The following COLEC12 variants were observed in gnomAD, a reference collection of about 807,000 sequenced individuals.
The protein encoded by COLEC12 is collectin subfamily member 12.
In COLEC12, 33 loss-of-function variants were observed where a neutral mutation model predicts 71.1. The observed-to-expected ratio is 0.46, with a 90% CI of 0.35 to 0.62. The LOEUF (loss-of-function observed/expected upper bound fraction) is 0.62. COLEC12 is among the 20% of genes least tolerant of loss of function. COLEC12 has a pLI of 0.00. For missense variants in COLEC12, 765 were observed against 916.1 expected (o/e 0.84, Z 2.13); for synonymous variants, 350 against 353.0 (o/e 0.99, Z 0.10).
chr18:341,211 T>C (rs939888651), intron 5 of COLEC12, among the ~76,000 whole-genome samples: 8 of 152,228 alleles, frequency 5.3e-5, no homozygotes, highest in Non-Finnish European at 1.2e-4. Context: ...CATCTATTCA[T>C]GGTGGAAGCA....
chr18:365,815 T>C (rs8082746), intron 2 of COLEC12, among the ~76,000 whole-genome samples: 28,060 of 152,196 alleles, frequency 0.18, 3,084 homozygotes, highest in South Asian at 0.26. Flanking sequence ...CTGACCATGT[T>C]GGCACTCAGA....
intron 5 of COLEC12, among the ~76,000 whole-genome samples, chr18:342,463 G>A (rs1382475042): frequency 6.6e-6 from 1 of 152,216 alleles, no homozygotes; most frequent in Non-Finnish European, 1.5e-5. Flanking sequence ...TTCATCAAGT[G>A]CGAGTCAACA....
intron 8 of COLEC12, among the ~76,000 whole-genome samples, chr18:326,170 A>G (rs1913837336): frequency 6.6e-6 from 1 of 152,070 alleles, no homozygotes; most frequent in African/African-American, 2.4e-5. Context: ...ACAGATCTTG[A>G]TATGTTTTCA....
Position 417,684 on chromosome 18 carries a change from G to A in COLEC12, c.59-60162C>T, listed in dbSNP as rs114940911. ...ATAGTGGAGCCAGCGTTAGAAACAC[G>A]ATACACAGAACAGAAATTTCATTTC... is the stretch of plus-strand genomic sequence containing the variant. On this transcript the variant is annotated intron_variant, in intron 2 of 9. Coordinates refer to ENST00000400256, the MANE Select transcript of COLEC12 (RefSeq NM_130386.3). Among the ~76,000 whole-genome samples the A allele has an allele frequency of 7.6e-3, 1,158 of 152,286 alleles. 8 individuals are homozygous for A. Among genetic ancestry groups the A allele is most frequent in the African/African-American group, 0.024 (1,011 of 41,554 alleles).
rs560592971 is a variant in COLEC12, at chr18:433,333, G to A, written c.58+47374C>T. Among the ~76,000 whole-genome samples, 28 of 152,232 alleles carry A rather than the reference G, an allele frequency of 1.8e-4. No homozygotes were observed. The South Asian group carries it at 1.9e-3, about 10-fold the overall frequency. On this transcript the variant is annotated intron_variant, in intron 2 of 9. Transcript: ENST00000400256. ...TAGGGGAAAGTACCTCCATCCTTGC[G>A]CTTGGAAAGTTGTTACTTTAGAAAG...
rs1555611780 is a variant in COLEC12, at chr18:319,329, A to ATATATATATATAT, written c.*715_*716insATATATATATATA. 1.0e-4 allele frequency: 3 copies of ATATATATATATAT among 29,466 alleles called. No individual in the cohort carries two copies. Among genetic ancestry groups the ATATATATATATAT allele is most frequent in the Non-Finnish European group, 7.8e-5 (1 of 12,740 alleles). The allele number at this position is 29,466 out of a possible 1,614,324, so 1.8% of individuals were successfully genotyped here. A position where few individuals can be genotyped will look rare whatever the true frequency, so the allele number is the denominator to read the frequency against. On this transcript the variant is annotated 3_prime_UTR_variant, in exon 10 of 10. Coordinates refer to ENST00000400256, the MANE Select transcript of COLEC12 (RefSeq NM_130386.3). ...CTGAGGAAATGAAACATTAAAAAAA[A>ATATATATATATAT]AAAAAAAAAAAAATATATATATATA...
At chr18:397,797 G>A (rs1334136594) in intron 2 of COLEC12, among the ~76,000 whole-genome samples, 3 of 152,172 alleles carry the variant, frequency 2.0e-5, no homozygotes, top group Non-Finnish European at 4.4e-5. Context: ...CTCTGCCCTT[G>A]AATTTGAGAA....
chr18:500,670 C>T lies in COLEC12; in HGVS notation c.-156G>A. On this transcript the variant is annotated 5_prime_UTR_variant, in exon 1 of 10. Coordinates refer to ENST00000400256, the MANE Select transcript of COLEC12 (RefSeq NM_130386.3). The surrounding 1 kb of genome is among the most constrained non-coding windows in gnomAD (Gnocchi z 5.3). ...GTCCTCCCTCGCCGCCGCCGGCCCG[C>T]GCTCCCCGCGCTCCCGGCTCCGCGC... 5.8e-6 allele frequency: 2 copies of T among 346,124 alleles called. No homozygotes were observed. Among genetic ancestry groups the T allele is most frequent in the Non-Finnish European group, 8.6e-6 (2 of 232,034 alleles). 21.4% of individuals were successfully genotyped at this position (346,124 alleles called of 1,614,324 possible).
chr18:483,528 T>C (rs912031307), intron 1 of COLEC12, among the ~76,000 whole-genome samples: 5 of 152,190 alleles, frequency 3.3e-5, no homozygotes, highest in African/African-American at 1.2e-4. Context: ...TGGTTTGGAA[T>C]CTAGAAGGCC....
chr18:356,012 A>T (rs1355408613), intron 3 of COLEC12, among the ~76,000 whole-genome samples: 1 of 152,218 alleles, frequency 6.6e-6, no homozygotes, highest in African/African-American at 2.4e-5. Context: ...CAAACTAATC[A>T]GCCAACACAC....
At chr18:455,169 G>A (rs1916839549) in intron 2 of COLEC12, among the ~76,000 whole-genome samples, 1 of 152,160 alleles carries the variant, frequency 6.6e-6, no homozygotes. Flanking sequence ...TTGTGGCTAA[G>A]CGGAAAGTTA....
intron 2 of COLEC12, among the ~76,000 whole-genome samples, chr18:463,606 A>G (rs2621177): frequency 0.75 from 113,587 of 151,960 alleles, 42,977 homozygotes; most frequent in East Asian, 0.99. Context: ...TTCTCTCCCC[A>G]CCTGACCCTT....
intron 2 of COLEC12, among the ~76,000 whole-genome samples, chr18:432,466 C>T (rs2155542): frequency 0.91 from 137,963 of 152,158 alleles, 63,011 homozygotes; most frequent in East Asian, 1. Flanking sequence ...TTTCTTTATA[C>T]AAAAACTAAG....
intron 2 of COLEC12, among the ~76,000 whole-genome samples, chr18:384,451 GA>G (rs780897264): frequency 6.6e-6 from 1 of 152,158 alleles, no homozygotes; most frequent in Non-Finnish European, 1.5e-5. Flanking sequence ...GTTACCTGCA[GA>G]TAGATGAAGG....
intron 2 of COLEC12, among the ~76,000 whole-genome samples, chr18:457,074 T>TG (rs1916887974): frequency 6.6e-6 from 1 of 152,196 alleles, no homozygotes; most frequent in Non-Finnish European, 1.5e-5. Flanking sequence ...TTGGCAAGGA[T>TG]CAGTGCAGCC....
rs563174510 is a variant in COLEC12, at chr18:441,196, C to T, written c.58+39511G>A. ...CCGGGAGGCGGAGCTTGCAGTGAGC[C>T]GAGATTGTGCCACTGCACTCCAGCC... On this transcript the variant is annotated intron_variant, in intron 2 of 9. Transcript: ENST00000400256. Among the ~76,000 whole-genome samples, 167 of 148,704 alleles carry T rather than the reference C, an allele frequency of 1.1e-3. 1 individual carries two copies. The highest frequency in any genetic ancestry group is 6.9e-3 in the Middle Eastern group (2 of 290).
rs2143611306 is a variant in COLEC12, at chr18:399,716, G to C, written c.59-42194C>G. Among the ~76,000 whole-genome samples the C allele has an allele frequency of 6.6e-6, 1 of 152,300 alleles. No homozygotes were observed. Among genetic ancestry groups the C allele is most frequent in the Admixed American group, 6.5e-5 (1 of 15,302 alleles). Reference sequence around the variant, plus strand: ...CTGTTGTTAGTTCAACGGGGATGCGGAATTTGGGGTGGATGCCGAGCGCTG... The same window carrying C: ...CTGTTGTTAGTTCAACGGGGATGCGCAATTTGGGGTGGATGCCGAGCGCTG... On this transcript the variant is annotated intron_variant, in intron 2 of 9. Transcript: ENST00000400256. The surrounding 1 kb of genome is among the most constrained non-coding windows in gnomAD (Gnocchi z 4.0).
intron 2 of COLEC12, among the ~76,000 whole-genome samples, chr18:463,803 C>G (rs1917032951): frequency 2.0e-5 from 3 of 152,210 alleles, no homozygotes; most frequent in African/African-American, 7.2e-5. Flanking sequence ...CCAATTTCCA[C>G]TTTCTCTTCT....
In COLEC12 at chr18:468,905, T is replaced by G. The variant is rs146001928; in HGVS notation, c.58+11802A>C. Among the ~76,000 whole-genome samples, 414 of 152,388 alleles carry G rather than the reference T, an allele frequency of 2.7e-3. 1 individual carries two copies. The highest frequency in any genetic ancestry group is 9.4e-3 in the African/African-American group (391 of 41,598). Reference sequence around the variant, plus strand: ...GAGTGGAAAAAATAGCAAAGGTTTCTGAACCACATTATTACACTCTTTATG... The same window carrying G: ...GAGTGGAAAAAATAGCAAAGGTTTCGGAACCACATTATTACACTCTTTATG... On this transcript the variant is annotated intron_variant, in intron 2 of 9. Coordinates refer to ENST00000400256, the MANE Select transcript of COLEC12 (RefSeq NM_130386.3).
Sources: allele counts gnomAD v4.1 joint callset (sites outside exome capture counted in the v4.1 genomes callset), GRCh38; gene constraint gnomAD v4.1.1; non-coding constraint Gnocchi (gnomAD v3.1); transcripts MANE v1.5; gene names NCBI Gene and HGNC (gene_info 2026-07-23, HGNC 2026-07-21).